NUP42: variants seen among roughly 807,000 people sequenced by gnomAD.
NUP42 encodes nucleoporin NUP42.
In NUP42, 47 loss-of-function variants were observed where a neutral mutation model predicts 35.9. That is an observed-to-expected ratio of 1.31 (90% CI 1.04 to 1.67). The LOEUF is 1.67. Ranked by LOEUF, NUP42 falls within the 40% of genes most tolerant of loss-of-function variation. The pLI is 0.00. For missense variants in NUP42, 514 were observed against 492.2 expected, an observed-to-expected ratio of 1.04 and a Z score of -0.42; for synonymous variants, 173 against 173.3, an observed-to-expected ratio of 1.00 and a Z score of 0.01.
intron 3 of NUP42, among the ~76,000 whole-genome samples, chr7:23,192,655 T>C (rs558129081): frequency 3.9e-4 from 59 of 152,242 alleles, no homozygotes; most frequent in African/African-American, 1.3e-3. Context: ...ATTGTCTTTA[T>C]GTTGAGTAGC....
At position 23,187,372 on chromosome 7, in the gene NUP42, A is replaced by G. The variant is rs138231995; in HGVS notation, c.445+226A>G. 1.8e-3 allele frequency: 617 copies of G among 344,430 alleles called. 2 individuals carry two copies. Among genetic ancestry groups the G allele is most frequent in the African/African-American group, 0.012 (542 of 46,844 alleles). 21.3% of individuals were successfully genotyped at this position (344,430 alleles called of 1,614,324 possible). ...AGTTCTTGGGAGAAAACATTTAAAT[A>G]AAGCCCAGGAAGAGACTCTACGTTC... On this transcript the variant is annotated intron_variant, in intron 3 of 6. Coordinates refer to ENST00000258742, the MANE Select transcript of NUP42 (RefSeq NM_007342.3).
chr7:23,182,450 A>C, intron 1 of NUP42: 1 of 1,324,680 alleles, frequency 7.5e-7, no homozygotes, highest in Non-Finnish European at 9.7e-7. Flanking sequence ...TGCGAAACTG[A>C]GTTTTTAAAT....
rs752057374 is a variant in NUP42 at position 23,182,100 on chromosome 7, A to G, written c.15A>G (p.Gln5=). The part of the protein sequence containing the change: MAIC[Q]FFLQGRCRFG... ...ACGCCGTCGCAATGGCCATTTGTCA[A>G]TTCTTCCTTCAAGGCCGGTGCCGCT... Residue 5 remains glutamine, a synonymous_variant, in exon 1 of 7, where the codon CAA becomes CAG. Coordinates refer to ENST00000258742, the MANE Select transcript of NUP42 (RefSeq NM_007342.3). 6.2e-6 allele frequency: 10 copies of G among 1,614,086 alleles called. No homozygotes were observed. The highest frequency in any genetic ancestry group is 5.0e-5 in the Admixed American group (3 of 60,034).
At chr7:23,187,990 CTCT>C (rs1785655597) in intron 3 of NUP42, 1 of 901,914 alleles carries the variant, frequency 1.1e-6, no homozygotes, top group African/African-American at 1.8e-5. Context: ...TATTCTCTCT[CTCT>C]TTTTTTATTT....
intron 3 of NUP42, 137 bp downstream of exon 3, chr7:23,187,283 G>C: frequency 1.7e-6 from 1 of 586,046 alleles, no homozygotes; most frequent in Non-Finnish European, 3.0e-6. Flanking sequence ...AAGTATTCGA[G>C]TATTCTAGCC....
intron 3 of NUP42, 80 bp from the exon 4 acceptor site, chr7:23,195,759 T>C: frequency 1.2e-6 from 1 of 849,832 alleles, no homozygotes. Flanking sequence ...CATTAGATAT[T>C]TTCTTGTTTA....
chr7:23,188,846 T>C (rs1302213271), intron 3 of NUP42, among the ~76,000 whole-genome samples: 4 of 152,190 alleles, frequency 2.6e-5, no homozygotes, highest in Non-Finnish European at 4.4e-5. Context: ...TGCAGCAGCA[T>C]TGAGGAGTAG....
chr7:23,195,937 C>A lies in NUP42; in HGVS notation c.522+22C>A, dbSNP rs542864805. The A allele has an allele frequency of 5.3e-4, 758 of 1,443,220 alleles. 8 individuals carry two copies. The South Asian group carries it at 8.7e-3, about 17-fold the overall frequency. The allele number at this position is 1,443,220 out of a possible 1,614,324, so 89.4% of individuals were successfully genotyped here. A position where few individuals can be genotyped will look rare whatever the true frequency, so the allele number is the denominator to read the frequency against. Reference sequence around the variant, plus strand: ...TTATGTAAGTTTGTTTCCTATTAATCTACTGCAATAACAGATGAGCTCTTA... The same window carrying A: ...TTATGTAAGTTTGTTTCCTATTAATATACTGCAATAACAGATGAGCTCTTA... On this transcript the variant is annotated intron_variant, in intron 4 of 6. Coordinates refer to ENST00000258742, the MANE Select transcript of NUP42 (RefSeq NM_007342.3).
chr7:23,184,537 A>G (rs1176127482), intron 1 of NUP42, among the ~76,000 whole-genome samples: 1 of 152,128 alleles, frequency 6.6e-6, no homozygotes, highest in Non-Finnish European at 1.5e-5. Context: ...TTTCTTCTCA[A>G]TCTCAAACAA....
intron 1 of NUP42, among the ~76,000 whole-genome samples, chr7:23,183,235 G>A (rs905026164): frequency 2.6e-5 from 4 of 152,056 alleles, no homozygotes. Flanking sequence ...CTATTCATCT[G>A]ACCTTTATTT....
chr7:23,184,919 T>C, intron 1 of NUP42, 151 bp from the exon 2 acceptor site: 1 of 611,488 alleles, frequency 1.6e-6, no homozygotes, highest in Non-Finnish European at 2.8e-6. Context: ...GGTGGGAGGA[T>C]CGATTGAGCT....
intron 3 of NUP42, chr7:23,194,583 A>T (rs1391213333): frequency 6.5e-6 from 1 of 152,998 alleles, no homozygotes. Context: ...CTGGTCTTGA[A>T]CTTCTGGCCT....
In NUP42 at chr7:23,188,007, A is replaced by ATTTT. The variant is rs774952755; in HGVS notation, c.445+863_445+866dup. ...TTCTCTCTCTCTTTTTTTATTTTTT[A>ATTTT]TTTTTATTTTTTTTTTTGTCCATAG... On this transcript the variant is annotated intron_variant, in intron 3 of 6. Transcript: ENST00000258742. 3 of 1,019,794 alleles carry ATTTT rather than the reference A, an allele frequency of 2.9e-6. No individual in the cohort carries two copies. In the African/African-American group the frequency reaches 5.6e-5, roughly 19 times the overall value. The allele number at this position is 1,019,794 out of a possible 1,614,324, so 63.2% of individuals were successfully genotyped here. A position where few individuals can be genotyped will look rare whatever the true frequency, so the allele number is the denominator to read the frequency against.
At chr7:23,183,176 A>C (rs1280328227) in intron 1 of NUP42, among the ~76,000 whole-genome samples, 1 of 152,088 alleles carries the variant, frequency 6.6e-6, no homozygotes, top group Admixed American at 6.5e-5. Flanking sequence ...ATTTTTAAAG[A>C]TCGGGTTAAT....
At chr7:23,196,441 T>A in intron 4 of NUP42, 1 of 439,764 alleles carries the variant, frequency 2.3e-6, no homozygotes, top group South Asian at 2.9e-5. Flanking sequence ...ACTAACTACG[T>A]GCTGCCAGGT....
At chr7:23,189,912 CA>C (rs201659228) in intron 3 of NUP42, among the ~76,000 whole-genome samples, 1,903 of 86,918 alleles carry the variant, frequency 0.022, 37 homozygotes, top group African/African-American at 0.064. Flanking sequence ...GACTCTGTCT[CA>C]AAAAAAAAAA....
Position 23,200,832 on chromosome 7 carries a change from T to A in NUP42, c.*87T>A, listed in dbSNP as rs1402473493. On this transcript the variant is annotated 3_prime_UTR_variant, in exon 7 of 7. Coordinates refer to ENST00000258742, the MANE Select transcript of NUP42 (RefSeq NM_007342.3). ...AGATGTATATATGCATACATGTATA[T>A]ATTCATAAGGAATATAAGCTTCCAT... 2.9e-6 allele frequency: 2 copies of A among 701,144 alleles called. No homozygotes were observed. The highest frequency in any genetic ancestry group is 3.6e-5 in the African/African-American group (2 of 55,084). The allele number at this position is 701,144 out of a possible 1,614,324, so 43.4% of individuals were successfully genotyped here.
At chr7:23,192,722 TCCCTGTACAAGTGGC>T (rs1029444385) in intron 3 of NUP42, among the ~76,000 whole-genome samples, 24 of 151,610 alleles carry the variant, frequency 1.6e-4, no homozygotes, top group African/African-American at 2.9e-4. Context: ...CGGAAGAAAA[TCCCTGTACAAGTGGC>T]CCCTGTACAA....
intron 2 of NUP42, among the ~76,000 whole-genome samples, chr7:23,186,743 A>G (rs1220093969): frequency 6.6e-6 from 1 of 152,190 alleles, no homozygotes; most frequent in African/African-American, 2.4e-5. Context: ...CCAATGTTAC[A>G]TATCATACCA....
Sources: gnomAD v4.1 joint callset for allele counts (sites outside exome capture counted in the v4.1 genomes callset) on GRCh38, gnomAD v4.1.1 for gene constraint, MANE v1.5 for transcripts, NCBI Gene and HGNC (gene_info 2026-07-23, HGNC 2026-07-21) for gene names.